PCGF5: variants seen among roughly 807,000 people sequenced by gnomAD.
The protein encoded by PCGF5 is polycomb group ring finger 5.
In PCGF5, 9 loss-of-function variants were observed where a neutral mutation model predicts 44.3. That is an observed-to-expected ratio of 0.20 (90% confidence interval 0.12 to 0.35). The LOEUF is 0.35. Among genes scored for constraint, PCGF5 ranks in the 10% least tolerant of loss-of-function variants. The pLI is 1.00. For missense variants in PCGF5, 146 were observed against 305.3 expected (o/e 0.48, Z 3.89); for synonymous variants, 95 against 102.5 (o/e 0.93, Z 0.44).
chr10:91,275,705 G>A lies in PCGF5; in HGVS notation c.724-2564G>A, dbSNP rs566684283. 2.1e-4 allele frequency among the ~76,000 whole-genome samples: 31 copies of A among 150,582 alleles called. No homozygotes were observed. In the East Asian group the frequency reaches 3.9e-3, roughly 19 times the overall value. Reference sequence around the variant, plus strand: ...CTTGACCTCGTGATCTGCCCGCCTCGGGCTCCCAAAGTGCTGGGATTACAG... The same window carrying A: ...CTTGACCTCGTGATCTGCCCGCCTCAGGCTCCCAAAGTGCTGGGATTACAG... On this transcript the variant is annotated intron_variant, in intron 9 of 9. Coordinates refer to ENST00000336126, the MANE Select transcript of PCGF5 (RefSeq NM_032373.5).
chr10:91,183,680 G>A (rs1370312817), intron 1 of PCGF5, among the ~76,000 whole-genome samples: 1 of 152,300 alleles, frequency 6.6e-6, no homozygotes, highest in East Asian at 1.9e-4. Flanking sequence ...GTGTACTTCA[G>A]TGTGTTTCTG....
intron 5 of PCGF5, among the ~76,000 whole-genome samples, chr10:91,250,387 C>T (rs544632608): frequency 6.6e-6 from 1 of 151,822 alleles, no homozygotes; most frequent in East Asian, 1.9e-4. Flanking sequence ...AGAGGTATCT[C>T]ATCTGGAAAT....
At chr10:91,179,912 G>A (rs1177984238) in intron 1 of PCGF5, among the ~76,000 whole-genome samples, 2 of 152,138 alleles carry the variant, frequency 1.3e-5, no homozygotes, top group East Asian at 3.9e-4. Flanking sequence ...TTAGGTATTT[G>A]AGGAATCGCC....
intron 1 of PCGF5, among the ~76,000 whole-genome samples, chr10:91,168,956 A>AG (rs1843553607): frequency 1.4e-5 from 2 of 148,098 alleles, no homozygotes; most frequent in African/African-American, 2.5e-5. Flanking sequence ...AAAAAAAAAA[A>AG]AAGAAGGCTT....
At chr10:91,203,584 G>A (rs1289833151) in intron 1 of PCGF5, among the ~76,000 whole-genome samples, 1 of 152,084 alleles carries the variant, frequency 6.6e-6, no homozygotes, top group Non-Finnish European at 1.5e-5. Flanking sequence ...AACCAGATGT[G>A]CCATCCTGCT....
intron 1 of PCGF5, among the ~76,000 whole-genome samples, chr10:91,182,380 T>C (rs576619029): frequency 2.4e-4 from 36 of 152,322 alleles, no homozygotes; most frequent in Admixed American, 4.6e-4. Context: ...TGGTTGTTTG[T>C]ATTTCTGTGA....
intron 1 of PCGF5, among the ~76,000 whole-genome samples, chr10:91,165,600 T>C (rs1462492517): frequency 6.6e-6 from 1 of 152,162 alleles, no homozygotes; most frequent in Non-Finnish European, 1.5e-5. Context: ...TGATCCAATA[T>C]GAAGTATTAA....
chr10:91,200,989 G>A (rs1160940478), intron 1 of PCGF5, among the ~76,000 whole-genome samples: 1 of 152,136 alleles, frequency 6.6e-6, no homozygotes, highest in Non-Finnish European at 1.5e-5. Context: ...GCAAGCACAA[G>A]ATTCAAGAGG....
upstream of PCGF5, among the ~76,000 whole-genome samples, chr10:91,217,554 A>G (rs1320538553): frequency 6.6e-6 from 1 of 152,240 alleles, no homozygotes; most frequent in Non-Finnish European, 1.5e-5. Context: ...TGTTAGGTAT[A>G]CAGATAGCTC....
At chr10:91,179,425 G>A (rs904930369) in intron 1 of PCGF5, among the ~76,000 whole-genome samples, 3 of 152,136 alleles carry the variant, frequency 2.0e-5, no homozygotes, top group African/African-American at 7.2e-5. Flanking sequence ...GGGGTTTGTT[G>A]TACAGATTAT....
At chr10:91,208,090 A>G (rs556815714) in intron 1 of PCGF5, among the ~76,000 whole-genome samples, 95 of 152,292 alleles carry the variant, frequency 6.2e-4, no homozygotes, top group Non-Finnish European at 6.0e-4. Context: ...TTTTTTCTTA[A>G]TAGTTTTAGG....
At chr10:91,182,097 C>T (rs1454502130) in intron 1 of PCGF5, among the ~76,000 whole-genome samples, 4 of 151,884 alleles carry the variant, frequency 2.6e-5, no homozygotes, top group East Asian at 1.9e-4. Context: ...TTATAATATT[C>T]GCTGATGGTT....
intron 2 of PCGF5, among the ~76,000 whole-genome samples, chr10:91,229,887 G>A (rs1001591409): frequency 6.6e-6 from 1 of 152,124 alleles, no homozygotes; most frequent in African/African-American, 2.4e-5. Flanking sequence ...TAGAAATGAT[G>A]TCATTGGTAT....
chr10:91,239,565 A>G (rs1410982729), intron 2 of PCGF5, among the ~76,000 whole-genome samples: 1 of 152,200 alleles, frequency 6.6e-6, no homozygotes, highest in Non-Finnish European at 1.5e-5. Context: ...GCCAATCTAT[A>G]CCATGTGAAA....
chr10:91,205,049 T>C (rs1293080590), intron 1 of PCGF5, among the ~76,000 whole-genome samples: 1 of 152,218 alleles, frequency 6.6e-6, no homozygotes, highest in African/African-American at 2.4e-5. Context: ...ATGAGTAAAC[T>C]AAGTTATATG....
At chr10:91,171,953 C>T (rs1448102721) in intron 1 of PCGF5, among the ~76,000 whole-genome samples, 2 of 152,136 alleles carry the variant, frequency 1.3e-5, no homozygotes, top group East Asian at 3.9e-4. Context: ...CTTTTCTGAG[C>T]ATTTATTCCA....
intron 3 of PCGF5, among the ~76,000 whole-genome samples, chr10:91,244,507 T>C (rs535204899): frequency 6.6e-6 from 1 of 152,318 alleles, no homozygotes; most frequent in Non-Finnish European, 1.5e-5. Flanking sequence ...TTTTATCTTT[T>C]ACTCTGAATG....
chr10:91,233,307 G>A (rs1309440331), intron 2 of PCGF5, among the ~76,000 whole-genome samples: 4 of 152,126 alleles, frequency 2.6e-5, no homozygotes, highest in African/African-American at 4.8e-5. Flanking sequence ...AGGTCTGCTG[G>A]CTTGCTCAGT....
At chr10:91,251,172 T>C in intron 5 of PCGF5, 120 bp from the exon 6 acceptor site, 2 of 714,560 alleles carry the variant, frequency 2.8e-6, no homozygotes, top group Non-Finnish European at 4.4e-6. Flanking sequence ...TAAGTTCTTC[T>C]TCAAAAACTG....
Sources: allele counts gnomAD v4.1 joint callset (sites outside exome capture counted in the v4.1 genomes callset), GRCh38; gene constraint gnomAD v4.1.1; transcripts MANE v1.5; gene names NCBI Gene and HGNC (gene_info 2026-07-23, HGNC 2026-07-21).